The following ADAMTSL3 variants were observed in gnomAD, a reference collection of about 807,000 sequenced individuals.
ADAMTSL3 encodes ADAMTS like 3.
ADAMTSL3 carries 128 observed loss-of-function variants against 201.7 expected under a neutral mutation model. The observed-to-expected ratio is 0.63, with a 90% CI of 0.55 to 0.73. The LOEUF (loss-of-function observed/expected upper bound fraction) is 0.73. ADAMTSL3 is among the 30% of genes least tolerant of loss of function. The pLI, the probability that ADAMTSL3 is intolerant of heterozygous loss-of-function variation, is 0.00. For missense variants in ADAMTSL3, 1,990 were observed against 2,119.6 expected (o/e 0.94, Z 1.20); for synonymous variants, 738 against 748.4 (o/e 0.99, Z 0.23).
At chr15:83,998,275 C>T (rs1264382812) in intron 23 of ADAMTSL3, among the ~76,000 whole-genome samples, 2 of 152,024 alleles carry the variant, frequency 1.3e-5, no homozygotes, top group African/African-American at 2.4e-5. Context: ...ATGGTAAAAC[C>T]GTGTCTCCAC....
intron 6 of ADAMTSL3, among the ~76,000 whole-genome samples, 164 bp from the exon 7 acceptor site, chr15:83,837,925 A>G (rs1214116400): frequency 6.6e-6 from 1 of 152,206 alleles, no homozygotes; most frequent in Non-Finnish European, 1.5e-5. Context: ...AAATGATACT[A>G]TCCTGTAAGA....
At chr15:83,767,088 C>G (rs185575372) in intron 3 of ADAMTSL3, among the ~76,000 whole-genome samples, 19 of 152,156 alleles carry the variant, frequency 1.2e-4, no homozygotes, top group Admixed American at 1.1e-3. Context: ...AGTAAGACTT[C>G]GTCTCAAAAA....
chr15:84,022,586 TTTATC>T (rs1447067097), intron 26 of ADAMTSL3, among the ~76,000 whole-genome samples: 2 of 152,364 alleles, frequency 1.3e-5, no homozygotes, highest in South Asian at 2.1e-4. Context: ...AATTTACACA[TTTATC>T]TTAGGACAAA....
At chr15:83,688,135 G>A (rs1026215644) in intron 2 of ADAMTSL3, among the ~76,000 whole-genome samples, 1 of 152,196 alleles carries the variant, frequency 6.6e-6, no homozygotes, top group Non-Finnish European at 1.5e-5. Context: ...AAGTTTCCTT[G>A]AATGAAGGAA....
In ADAMTSL3 at chr15:83,983,217, A is replaced by G. The variant is rs762416315; in HGVS notation, c.3589A>G (p.Arg1197Gly). ...SISFNKTINS[R>G]IGNTVYITKR... Reference sequence around the variant, plus strand: ...TTCATTTAATAAAACAATAAATTCCAGGATTGGAAATACAGTATACATTAC... The same window carrying G: ...TTCATTTAATAAAACAATAAATTCCGGGATTGGAAATACAGTATACATTAC... The change falls in exon 21 of 30, where the codon AGG (arginine) becomes GGG (glycine). Residue 1197 changes from arginine (R) to glycine (G), a missense_variant. Physicochemically the swap from Arg to Gly is moderately radical, Grantham distance 125. Coordinates refer to ENST00000286744, the MANE Select transcript of ADAMTSL3 (RefSeq NM_207517.3). The G allele has an allele frequency of 6.2e-7, 1 of 1,614,090 alleles. No individual in the cohort carries two copies. Among genetic ancestry groups the G allele is most frequent in the Admixed American group, 1.7e-5 (1 of 60,006 alleles).
chr15:83,796,186 G>A, intron 4 of ADAMTSL3, among the ~76,000 whole-genome samples: 1 of 152,094 alleles, frequency 6.6e-6, no homozygotes, highest in Non-Finnish European at 1.5e-5. Flanking sequence ...TATTGTATTT[G>A]AGGTCCTAGT....
intron 2 of ADAMTSL3, among the ~76,000 whole-genome samples, chr15:83,682,864 G>T (rs1000059668): frequency 7.2e-5 from 11 of 152,094 alleles, no homozygotes; most frequent in Admixed American, 6.5e-4. Context: ...TTTATAACTC[G>T]TAAAGAAATG....
At chr15:83,864,820 A>C (rs1303577733) in intron 8 of ADAMTSL3, among the ~76,000 whole-genome samples, 1 of 152,220 alleles carries the variant, frequency 6.6e-6, no homozygotes, top group Non-Finnish European at 1.5e-5. Context: ...GAGGAAGTCA[A>C]ATTGTCCCTG....
intron 17 of ADAMTSL3, among the ~76,000 whole-genome samples, chr15:83,940,529 A>C (rs1483152099): frequency 6.6e-6 from 1 of 151,920 alleles, no homozygotes; most frequent in African/African-American, 2.4e-5. Flanking sequence ...TGAGGGCTCC[A>C]CTCTCATGTC....
At chr15:83,943,185 G>C in intron 19 of ADAMTSL3, 103 bp downstream of exon 19, 1 of 1,352,074 alleles carries the variant, frequency 7.4e-7, no homozygotes, top group Non-Finnish European at 9.9e-7. Context: ...TGTGAGATGA[G>C]TATGGGTCCT....
At chr15:84,002,566 ACCATGCACCTTTCTT>A (rs1279338787) in intron 23 of ADAMTSL3, among the ~76,000 whole-genome samples, 2 of 152,068 alleles carry the variant, frequency 1.3e-5, no homozygotes, top group Non-Finnish European at 2.9e-5. Flanking sequence ...CCTCCAAACA[ACCATGCACCTTTCTT>A]CCATGCACCA....
intron 6 of ADAMTSL3, among the ~76,000 whole-genome samples, chr15:83,836,567 C>G (rs1376016101): frequency 6.6e-6 from 1 of 152,146 alleles, no homozygotes; most frequent in Non-Finnish European, 1.5e-5. Flanking sequence ...GAGTCTGATT[C>G]AACAACTCTC....
intron 2 of ADAMTSL3, among the ~76,000 whole-genome samples, chr15:83,696,787 A>G (rs1240106503): frequency 1.3e-5 from 2 of 152,184 alleles, no homozygotes; most frequent in African/African-American, 2.4e-5. Context: ...ATGCCCCACA[A>G]ATTTGGGCTG....
intron 23 of ADAMTSL3, among the ~76,000 whole-genome samples, chr15:83,995,021 C>T (rs895282899): frequency 2.0e-5 from 3 of 152,194 alleles, no homozygotes; most frequent in Non-Finnish European, 2.9e-5. Context: ...CACAAAGTCT[C>T]ACCAAGCCCC....
intron 24 of ADAMTSL3, among the ~76,000 whole-genome samples, chr15:84,015,056 C>T (rs900138310): frequency 6.6e-6 from 1 of 152,034 alleles, no homozygotes; most frequent in Non-Finnish European, 1.5e-5. Flanking sequence ...AGTGATTCTC[C>T]TGCCTCAGCC....
chr15:83,797,951 C>T (rs1291619106), intron 4 of ADAMTSL3, among the ~76,000 whole-genome samples: 1 of 152,122 alleles, frequency 6.6e-6, no homozygotes, highest in African/African-American at 2.4e-5. Context: ...TTTTCATCAA[C>T]ATTTAGGAAA....
chr15:83,988,857 T>C, intron 22 of ADAMTSL3, 39 bp downstream of exon 22: 1 of 1,290,678 alleles, frequency 7.7e-7, no homozygotes, highest in South Asian at 2.5e-5. Context: ...CCTGGTTCTT[T>C]ATTTTTTATT....
intron 2 of ADAMTSL3, among the ~76,000 whole-genome samples, chr15:83,658,982 T>C (rs2061128744): frequency 6.6e-6 from 1 of 152,226 alleles, no homozygotes; most frequent in Non-Finnish European, 1.5e-5. Flanking sequence ...GTTTTAACAT[T>C]GGTCATGTGG....
At chr15:83,807,596 G>A (rs2063621228) in intron 5 of ADAMTSL3, among the ~76,000 whole-genome samples, 1 of 152,144 alleles carries the variant, frequency 6.6e-6, no homozygotes, top group Non-Finnish European at 1.5e-5. Context: ...TAAAATTCCA[G>A]TGACATTCTT....
Sources: gnomAD v4.1 joint callset for allele counts (sites outside exome capture counted in the v4.1 genomes callset) on GRCh38, gnomAD v4.1.1 for gene constraint, MANE v1.5 for transcripts, NCBI Gene and HGNC (gene_info 2026-07-23, HGNC 2026-07-21) for gene names.